NMU: variants seen among roughly 807,000 people sequenced by gnomAD.
NMU encodes the protein neuromedin U.
NMU carries 29 observed loss-of-function variants against 35.4 expected under a neutral mutation model. That is an observed-to-expected ratio of 0.82 (90% CI 0.61 to 1.12). NMU has a LOEUF of 1.12. NMU is among the 50% of genes most tolerant of loss of function. NMU has a pLI of 0.00. For missense variants in NMU, 199 were observed against 206.2 expected (o/e 0.97, Z 0.21); for synonymous variants, 78 against 81.3 (o/e 0.96, Z 0.22).
intron 9 of NMU, among the ~76,000 whole-genome samples, chr4:55,597,651 C>A (rs1452462301): frequency 6.6e-6 from 1 of 152,180 alleles, no homozygotes; most frequent in East Asian, 1.9e-4. Context: ...CAGGCGTGAG[C>A]CACCGTGCCC....
chr4:55,627,103 T>C (rs1734561213), intron 2 of NMU, among the ~76,000 whole-genome samples: 5 of 152,332 alleles, frequency 3.3e-5, no homozygotes, highest in South Asian at 2.1e-4. Flanking sequence ...CCATGGATGC[T>C]TGCAGTCAGA....
intron 3 of NMU, among the ~76,000 whole-genome samples, chr4:55,609,481 A>C (rs1733846863): frequency 6.6e-6 from 1 of 152,176 alleles, no homozygotes; most frequent in African/African-American, 2.4e-5. Context: ...ATATTATGAA[A>C]TTCTATGACT....
chr4:55,627,742 A>C (rs1257334266), intron 2 of NMU, among the ~76,000 whole-genome samples: 1 of 152,234 alleles, frequency 6.6e-6, no homozygotes, highest in Admixed American at 6.5e-5. Flanking sequence ...CTGAACTCTC[A>C]AACGAGTTCT....
chr4:55,605,720 C>T (rs891008777), intron 6 of NMU, among the ~76,000 whole-genome samples: 1 of 152,190 alleles, frequency 6.6e-6, no homozygotes, highest in African/African-American at 2.4e-5. Context: ...CAGGCGAAAC[C>T]CACACTGCCA....
intron 3 of NMU, among the ~76,000 whole-genome samples, chr4:55,613,922 T>C (rs1399794209): frequency 6.6e-6 from 1 of 152,148 alleles, no homozygotes; most frequent in Non-Finnish European, 1.5e-5. Context: ...AGTAAGCCCA[T>C]AAAATGATAT....
chr4:55,604,679 A>ATTT (rs767568542), intron 7 of NMU, among the ~76,000 whole-genome samples: 718 of 47,590 alleles, frequency 0.015, 29 homozygotes, highest in African/African-American at 0.025. Context: ...TGCCTGGCTA[A>ATTT]TTTTTTTTTT....
chr4:55,618,834 C>G (rs1734234519), intron 2 of NMU, among the ~76,000 whole-genome samples: 1 of 143,212 alleles, frequency 7.0e-6, no homozygotes, highest in Non-Finnish European at 1.5e-5. Context: ...TTTCTTCTTT[C>G]TTTTCTCTCT....
Position 55,607,313 on chromosome 4 carries a change from GC to G in NMU, c.344del (p.Gly115AlafsTer25). 6.2e-7 allele frequency: 1 copy of G among 1,607,742 alleles called. No homozygotes were observed. The highest frequency in any genetic ancestry group is 1.7e-5 in the Admixed American group (1 of 59,960). ...LFHYSKTQKL[G>X]KSNVVSSVVH... ...TACAACTTACCACAACATTTGACTTGCCCAACTTCTGTGTCTTCGAATAATG... is the reference window on the plus strand; with the variant it reads ...TACAACTTACCACAACATTTGACTTGCCAACTTCTGTGTCTTCGAATAATG... On this transcript the variant is annotated frameshift_variant, in exon 6 of 10. Transcript: ENST00000264218. LOFTEE classifies it high-confidence loss of function.
Position 55,605,264 on chromosome 4 carries a change from G to C in NMU, c.435+11C>G, listed in dbSNP as rs1366318967. ...GAATGGCAAAGCCAGCATGCAGTTT[G>C]TATTACATACGTCCACTCTGAATCT... is the stretch of plus-strand genomic sequence containing the variant. On this transcript the variant is annotated intron_variant, in intron 7 of 9. Coordinates refer to ENST00000264218, the MANE Select transcript of NMU (RefSeq NM_006681.4). The C allele has an allele frequency of 6.3e-7, 1 of 1,592,050 alleles. No individual in the cohort carries two copies. The highest frequency in any genetic ancestry group is 8.6e-7 in the Non-Finnish European group (1 of 1,159,854).
At chr4:55,600,885 T>C (rs570994803) in intron 7 of NMU, among the ~76,000 whole-genome samples, 21 of 152,274 alleles carry the variant, frequency 1.4e-4, no homozygotes, top group African/African-American at 4.8e-4. Context: ...CATAATTGAC[T>C]ATATTTAAAA....
rs1734367837 is a variant in NMU, at chr4:55,622,004, C to T, written c.172-5619G>A. On this transcript the variant is annotated intron_variant, in intron 2 of 9. Transcript: ENST00000264218. ...ACACAACATACCAGAATCTCTGGGA[C>T]ACATTCAAAGCAGTGTGTAGAGGGA... Among the ~76,000 whole-genome samples the T allele has an allele frequency of 3.9e-5, 4 of 103,522 alleles. No homozygotes were observed. The South Asian group carries it at 1.8e-3, about 47-fold the overall frequency. The allele number at this position is 103,522 out of a possible 152,430, so 67.9% of individuals were successfully genotyped here. A position where few individuals can be genotyped will look rare whatever the true frequency, so the allele number is the denominator to read the frequency against.
In NMU at chr4:55,600,567, G is replaced by T. The variant is rs12108463; in HGVS notation, c.444C>A (p.Phe148Leu). The change falls in exon 8 of 10, where the codon TTC becomes TTA. Residue 148 changes from phenylalanine to leucine, a missense_variant. Transcript: ENST00000264218. ...GACTTTGACTTGCAAAGGGACTTTG[G>T]AATTCTTCCTAGAAGAGAAAATGAG... ...RMKRFRVDEE[F>L]QSPFASQSRG... The T allele has an allele frequency of 6.9e-3, 11,135 of 1,608,584 alleles. 730 individuals carry two copies. The African/African-American group carries it at 0.13, about 19-fold the overall frequency.
chr4:55,605,200 A>C, intron 7 of NMU, 75 bp downstream of exon 7: 1 of 966,762 alleles, frequency 1.0e-6, no homozygotes, highest in Non-Finnish European at 1.7e-6. Flanking sequence ...TTGATGAACT[A>C]CCACAGCTGG....
rs1426084823 is a variant in NMU at position 55,636,177 on chromosome 4, T to C, written c.16A>G (p.Ser6Gly). The C allele has an allele frequency of 4.0e-6, 6 of 1,505,546 alleles. No individual in the cohort carries two copies. Among genetic ancestry groups the C allele is most frequent in the Admixed American group, 2.1e-5 (1 of 47,296 alleles). The allele number at this position is 1,505,546 out of a possible 1,614,324, so 93.3% of individuals were successfully genotyped here. Reference sequence around the variant, plus strand: ...CCGGCGGGCGACCTGGGGCGGCAGCTCTCTGTTCGCAGCATCTCGGCGGCT... The same window carrying C: ...CCGGCGGGCGACCTGGGGCGGCAGCCCTCTGTTCGCAGCATCTCGGCGGCT... MLRTE[S>G]CRPRSPAGQV... Residue 6 changes from serine to glycine, a missense_variant, in exon 1 of 10, where the codon AGC becomes GGC. Physicochemically the swap from Ser to Gly is moderately conservative, Grantham distance 56. Coordinates refer to ENST00000264218, the MANE Select transcript of NMU (RefSeq NM_006681.4). This position sits in a 1 kb window ranked among gnomAD's most constrained non-coding sequence, Gnocchi z 4.0.
intron 1 of NMU, among the ~76,000 whole-genome samples, chr4:55,633,693 C>G (rs1715739702): frequency 6.6e-6 from 1 of 152,162 alleles, no homozygotes; most frequent in African/African-American, 2.4e-5. Context: ...CCTGATTATT[C>G]TAAAAGTAGC....
At chr4:55,598,317 C>T (rs922594941) in intron 9 of NMU, among the ~76,000 whole-genome samples, 3 of 152,040 alleles carry the variant, frequency 2.0e-5, no homozygotes, top group African/African-American at 4.8e-5. Flanking sequence ...AGGTGATCCT[C>T]GTGCCCTAGC....
chr4:55,635,984 A>G, intron 1 of NMU, 97 bp downstream of exon 1: 1 of 1,522,944 alleles, frequency 6.6e-7, no homozygotes, highest in Non-Finnish European at 8.8e-7. Flanking sequence ...CCCAGAAGCC[A>G]AGTAAAGGTG....
intron 2 of NMU, among the ~76,000 whole-genome samples, chr4:55,617,895 C>T (rs550516362): frequency 5.9e-5 from 9 of 152,284 alleles, no homozygotes; most frequent in East Asian, 3.9e-4. Context: ...AGGACATCAA[C>T]GTCATTTGAA....
At chr4:55,629,615 C>A (rs1386038622) in intron 2 of NMU, among the ~76,000 whole-genome samples, 3 of 88,800 alleles carry the variant, frequency 3.4e-5, no homozygotes, top group Non-Finnish European at 4.7e-5. Context: ...GACCATGTCT[C>A]AAAAAAAAAA....
Sources: allele counts gnomAD v4.1 joint callset (sites outside exome capture counted in the v4.1 genomes callset), GRCh38; gene constraint gnomAD v4.1.1; non-coding constraint Gnocchi (gnomAD v3.1); transcripts MANE v1.5; gene names NCBI Gene and HGNC (gene_info 2026-07-23, HGNC 2026-07-21).